Variants in MYO5B observed in about 807,000 individuals in gnomAD.
The protein encoded by MYO5B is myosin VB.
A neutral mutation model predicts 229.3 loss-of-function variants in MYO5B; 143 were observed. That is an observed-to-expected ratio of 0.62 (90% CI 0.54 to 0.72). The LOEUF (loss-of-function observed/expected upper bound fraction) is 0.72. MYO5B is among the 30% of genes least tolerant of loss of function. The pLI is 0.00. For missense variants in MYO5B, 2,321 were observed against 2,331.0 expected, an observed-to-expected ratio of 1.00 and a Z score of 0.09; for synonymous variants, 918 against 885.2, an observed-to-expected ratio of 1.04 and a Z score of -0.66.
intron 21 of MYO5B, among the ~76,000 whole-genome samples, chr18:49,898,261 G>C (rs756183959): frequency 6.6e-6 from 1 of 152,020 alleles, no homozygotes; most frequent in Non-Finnish European, 1.5e-5. Flanking sequence ...TACATATAAC[G>C]AATTTAACAT....
chr18:49,830,921 A>G (rs1568600406), intron 39 of MYO5B, among the ~76,000 whole-genome samples: 2 of 151,622 alleles, frequency 1.3e-5, no homozygotes. Context: ...GAATCAAAAC[A>G]GTATGGTACT....
chr18:50,017,348 C>T (rs151237181), intron 4 of MYO5B, among the ~76,000 whole-genome samples: 1,819 of 152,202 alleles, frequency 0.012, 30 homozygotes, highest in African/African-American at 0.042. Flanking sequence ...TAATCTCGAA[C>T]TCCTGAACTC....
Position 49,906,498 on chromosome 18 carries a change from G to A in MYO5B, c.2335C>T (p.Leu779=). 2 of 1,614,168 alleles carry A rather than the reference G, an allele frequency of 1.2e-6. No homozygotes were observed. Among genetic ancestry groups the A allele is most frequent in the Non-Finnish European group, 1.7e-6 (2 of 1,180,038 alleles). ...AGCCTGTGATATTTCACCTTCTGCA[G>A]CCATCCCCGGACAGTTTTCTGGATC... The part of the protein sequence containing the change: ...IMIQKTVRGW[L]QKVKYHRLKG... Residue 779 remains leucine (L), a synonymous_variant, in exon 19 of 40, where the codon CTG becomes TTG. Transcript: ENST00000285039.
At chr18:49,839,104 C>T (rs754820769) in intron 36 of MYO5B, 40 bp downstream of exon 36, 2 of 1,611,382 alleles carry the variant, frequency 1.2e-6, no homozygotes, top group Non-Finnish European at 1.7e-6. Flanking sequence ...TCATTTCAGA[C>T]ACCATGATGA....
At chr18:49,994,713 C>T (rs899641439) in intron 5 of MYO5B, among the ~76,000 whole-genome samples, 1 of 152,226 alleles carries the variant, frequency 6.6e-6, no homozygotes, top group Non-Finnish European at 1.5e-5. Context: ...CACCCACCAA[C>T]CTTGTCATCT....
intron 7 of MYO5B, among the ~76,000 whole-genome samples, chr18:49,989,237 T>C: frequency 6.6e-6 from 1 of 152,194 alleles, no homozygotes; most frequent in Admixed American, 6.5e-5. Context: ...AAGCAAGTGT[T>C]ATGAGGGCAG....
At chr18:49,977,465 G>A (rs1222324955) in intron 9 of MYO5B, among the ~76,000 whole-genome samples, 3 of 152,086 alleles carry the variant, frequency 2.0e-5, no homozygotes, top group South Asian at 2.1e-4. Flanking sequence ...CTATGTGCCC[G>A]AGGAATAAAC....
chr18:50,155,870 A>G lies in MYO5B; in HGVS notation c.27+38897T>C, dbSNP rs551391717. Among the ~76,000 whole-genome samples the G allele has an allele frequency of 5.9e-5, 9 of 152,374 alleles. No individual in the cohort carries two copies. In the South Asian group the frequency reaches 1.4e-3, roughly 25 times the overall value. ...CAGTGGCACCGAAGATGACTTCAAC[A>G]TAAGTTTGGTTTTCAAAAGTTAACT... is the stretch of plus-strand genomic sequence containing the variant. On this transcript the variant is annotated intron_variant, in intron 1 of 39. Coordinates refer to ENST00000285039, the MANE Select transcript of MYO5B (RefSeq NM_001080467.3).
intron 4 of MYO5B, 125 bp from the exon 5 acceptor site, chr18:50,001,536 A>G: frequency 8.4e-7 from 1 of 1,184,842 alleles, no homozygotes; most frequent in Non-Finnish European, 1.2e-6. Flanking sequence ...GGATAAACGC[A>G]GAGGAACAGT....
Position 49,858,341 on chromosome 18 carries a change from A to AT in MYO5B, c.3945-1452_3945-1451insA, listed in dbSNP as rs1555794641. ...CACAGCTCACTGGAGGACTGTAGGC[A>AT]CCACTGCAGTGATTCTTGGGGAGGG... On this transcript the variant is annotated intron_variant, in intron 29 of 39. Transcript: ENST00000285039. Among the ~76,000 whole-genome samples, 3 of 152,182 alleles carry AT rather than the reference A, an allele frequency of 2.0e-5. No homozygotes were observed. The East Asian group carries it at 5.8e-4, about 29-fold the overall frequency.
chr18:49,867,477 G>A (rs563128216), intron 27 of MYO5B, among the ~76,000 whole-genome samples: 5 of 152,198 alleles, frequency 3.3e-5, no homozygotes, highest in Admixed American at 6.5e-5. Flanking sequence ...AAACCGCCCC[G>A]GGAGAGTGTG....
intron 4 of MYO5B, among the ~76,000 whole-genome samples, chr18:50,008,165 G>A (rs956851700): frequency 5.3e-5 from 8 of 152,186 alleles, no homozygotes; most frequent in Admixed American, 1.3e-4. Context: ...ATATGTATTG[G>A]GGTCATCAGT....
intron 20 of MYO5B, 39 bp downstream of exon 20, chr18:49,904,633 T>C: frequency 6.2e-7 from 1 of 1,613,644 alleles, no homozygotes; most frequent in Non-Finnish European, 8.5e-7. Flanking sequence ...ACTTTAGTTC[T>C]GAATCTGCAG....
At chr18:49,979,942 C>T (rs769793623) in intron 9 of MYO5B, among the ~76,000 whole-genome samples, 14 of 152,336 alleles carry the variant, frequency 9.2e-5, no homozygotes, top group Middle Eastern at 3.4e-3. Context: ...TGAGCCTTCA[C>T]GGAGCACTTG....
At chr18:49,936,809 G>A (rs1222478587) in intron 15 of MYO5B, among the ~76,000 whole-genome samples, 1 of 152,080 alleles carries the variant, frequency 6.6e-6, no homozygotes, top group African/African-American at 2.4e-5. Context: ...TGGCTGCCAG[G>A]GACTTGACAA....
chr18:50,073,896 T>C (rs1482686549), intron 1 of MYO5B, among the ~76,000 whole-genome samples: 1 of 152,154 alleles, frequency 6.6e-6, no homozygotes, highest in Non-Finnish European at 1.5e-5. Flanking sequence ...GCCCATTCAC[T>C]CTACTACCAA....
chr18:50,172,531 C>T (rs2144334975), intron 1 of MYO5B, among the ~76,000 whole-genome samples: 2 of 152,312 alleles, frequency 1.3e-5, no homozygotes, highest in Admixed American at 1.3e-4. Flanking sequence ...GGGTGGATGA[C>T]TCTCCCTCAA....
intron 2 of MYO5B, among the ~76,000 whole-genome samples, chr18:50,048,350 G>C (rs1199221806): frequency 6.6e-6 from 1 of 152,154 alleles, no homozygotes; most frequent in East Asian, 1.9e-4. Flanking sequence ...AAGTTATGAG[G>C]AAGTAGCAAA....
At chr18:50,024,561 C>A (rs1042886521) in intron 4 of MYO5B, among the ~76,000 whole-genome samples, 3 of 152,192 alleles carry the variant, frequency 2.0e-5, no homozygotes, top group Admixed American at 2.0e-4. Flanking sequence ...TCTGGGAATA[C>A]AGAGGACCAA....
Sources: allele counts gnomAD v4.1 joint callset (sites outside exome capture counted in the v4.1 genomes callset), GRCh38; gene constraint gnomAD v4.1.1; transcripts MANE v1.5; gene names NCBI Gene and HGNC (gene_info 2026-07-23, HGNC 2026-07-21).